The following PCDH15 variants were observed in gnomAD, a reference collection of about 807,000 sequenced individuals.
The protein encoded by PCDH15 is protocadherin-15.
Under a neutral mutation model 178.5 loss-of-function variants are expected in PCDH15, and 129 were observed. That is an observed-to-expected ratio of 0.72 (90% confidence interval 0.63 to 0.84). The LOEUF is 0.84. PCDH15 is among the 40% of genes least tolerant of loss of function. The pLI is 0.00. For synonymous variants in PCDH15, 800 were observed against 732.0 expected (o/e 1.09, Z -1.50); for missense variants, 2,230 against 2,099.9 (o/e 1.06, Z -1.21).
intron 1 of PCDH15, among the ~76,000 whole-genome samples, chr10:54,672,889 G>T (rs12573096): frequency 1.3e-5 from 2 of 151,874 alleles, no homozygotes; most frequent in African/African-American, 2.4e-5. Context: ...AGGAAATAAG[G>T]TTTTAAATAA....
intron 7 of PCDH15, among the ~76,000 whole-genome samples, chr10:54,319,427 A>G (rs964247225): frequency 6.6e-6 from 1 of 152,188 alleles, no homozygotes. Flanking sequence ...AAGAAGCCAG[A>G]CAAAAAATAA....
rs115090835 is a variant in PCDH15, at chr10:54,538,606, A to T, written c.92-10729T>A. Among the ~76,000 whole-genome samples, 1,013 of 152,280 alleles carry T rather than the reference A, an allele frequency of 6.7e-3. 14 individuals carry two copies. The highest frequency in any genetic ancestry group is 0.023 in the African/African-American group (973 of 41,552). Reference sequence around the variant, plus strand: ...TGTCCCCATCCAAATCTCATGTCAAATTCTAACCTCCAATGTTGGAGGAGG... The same window carrying T: ...TGTCCCCATCCAAATCTCATGTCAATTTCTAACCTCCAATGTTGGAGGAGG... On this transcript the variant is annotated intron_variant, in intron 2 of 37. Coordinates refer to ENST00000644397, the MANE Select transcript of PCDH15 (RefSeq NM_001384140.1).
intron 1 of PCDH15, among the ~76,000 whole-genome samples, chr10:55,296,906 A>G (rs1843146677): frequency 6.6e-6 from 1 of 152,144 alleles, no homozygotes; most frequent in South Asian, 2.1e-4. Context: ...CAAACACTAT[A>G]AGACTAACTT....
intron 2 of PCDH15, among the ~76,000 whole-genome samples, chr10:54,899,130 T>C (rs1191746865): frequency 1.3e-5 from 2 of 152,186 alleles, no homozygotes; most frequent in East Asian, 3.9e-4. Flanking sequence ...GAAGTTCCTG[T>C]AAATAATTCA....
Position 53,827,483 on chromosome 10 carries a change from A to G in PCDH15, c.4277T>C (p.Val1426Ala), listed in dbSNP as rs2132579383. ...CGCTGCCACTGGTGCAGGAGCCGGC[A>G]CTGCTGGTTTAGCCGCGGGTAATGC... ...QAALPAAKPA[V>A]PAPAPVAAPP... Residue 1426 changes from valine (V) to alanine (A), a missense_variant, in exon 32 of 38, where the codon GTG (valine) becomes GCG (alanine). Transcript: ENST00000644397. The G allele has an allele frequency of 6.2e-7, 1 of 1,614,090 alleles. No individual in the cohort carries two copies. Among genetic ancestry groups the G allele is most frequent in the Non-Finnish European group, 8.5e-7 (1 of 1,179,936 alleles).
intron 8 of PCDH15, among the ~76,000 whole-genome samples, chr10:54,247,009 C>G (rs956743917): frequency 9.2e-5 from 14 of 151,890 alleles, no homozygotes; most frequent in Non-Finnish European, 1.8e-4. Flanking sequence ...TAATGATTCA[C>G]AAGAGTTCTT....
At chr10:54,281,433 T>A (rs1438328508) in intron 8 of PCDH15, among the ~76,000 whole-genome samples, 1 of 151,874 alleles carries the variant, frequency 6.6e-6, no homozygotes, top group Non-Finnish European at 1.5e-5. Context: ...TTTGCTTTGT[T>A]TTTTGCAAAG....
At chr10:54,684,471 C>G (rs1281553559) in intron 1 of PCDH15, among the ~76,000 whole-genome samples, 3 of 151,850 alleles carry the variant, frequency 2.0e-5, no homozygotes, top group African/African-American at 7.2e-5. Flanking sequence ...GCATATGTGG[C>G]ATTTAGTCAA....
chr10:55,273,084 T>C (rs1842488695), intron 1 of PCDH15, among the ~76,000 whole-genome samples: 1 of 152,096 alleles, frequency 6.6e-6, no homozygotes, highest in Admixed American at 6.5e-5. Context: ...GATTTCAAAG[T>C]TGAATGAAAA....
intron 2 of PCDH15, among the ~76,000 whole-genome samples, chr10:54,953,709 A>C (rs933324276): frequency 1.3e-5 from 2 of 151,294 alleles, no homozygotes; most frequent in African/African-American, 2.4e-5. Context: ...ATCATATTCT[A>C]TGAAAATTCC....
At position 54,739,793 on chromosome 10, in the gene PCDH15, T is replaced by C. The variant is rs538377739; in HGVS notation, c.-29+61132A>G. Among the ~76,000 whole-genome samples the C allele has an allele frequency of 3.9e-5, 6 of 152,096 alleles. No homozygotes were observed. The East Asian group carries it at 1.2e-3, about 29-fold the overall frequency. Reference sequence around the variant, plus strand: ...AGGACATATGCTGATAAACAAATACTTTTCAATGAATGGTGCTGGGTAAAC... The same window carrying C: ...AGGACATATGCTGATAAACAAATACCTTTCAATGAATGGTGCTGGGTAAAC... On this transcript the variant is annotated intron_variant, in intron 1 of 37. Transcript: ENST00000644397.
At chr10:54,379,105 A>T (rs1254312636) in intron 3 of PCDH15, among the ~76,000 whole-genome samples, 163 bp from the exon 4 acceptor site, 1 of 152,150 alleles carries the variant, frequency 6.6e-6, no homozygotes, top group Non-Finnish European at 1.5e-5. Flanking sequence ...CCAAAAGGCC[A>T]AAGTATCTGC....
chr10:53,929,892 G>A (rs917541308), intron 25 of PCDH15, among the ~76,000 whole-genome samples: 2 of 152,022 alleles, frequency 1.3e-5, no homozygotes, highest in Non-Finnish European at 2.9e-5. Flanking sequence ...AGCAAAAATT[G>A]CCACTTCAAT....
chr10:53,935,388 G>A (rs1479781557), intron 25 of PCDH15, among the ~76,000 whole-genome samples: 26 of 152,056 alleles, frequency 1.7e-4, no homozygotes, highest in Non-Finnish European at 7.4e-5. Context: ...TAGATGTGTG[G>A]GAAAATATAA....
At chr10:55,016,778 G>A (rs1291697413) in intron 2 of PCDH15, among the ~76,000 whole-genome samples, 1 of 152,028 alleles carries the variant, frequency 6.6e-6, no homozygotes, top group Non-Finnish European at 1.5e-5. Flanking sequence ...TGGGATTGCT[G>A]GATCACATGA....
intron 2 of PCDH15, among the ~76,000 whole-genome samples, chr10:54,934,715 C>G (rs1355361830): frequency 1.3e-5 from 2 of 151,246 alleles, no homozygotes; most frequent in Non-Finnish European, 2.9e-5. Context: ...TTGACCCAGC[C>G]ATCCCATTAC....
chr10:54,085,163 A>G (rs183848507), intron 16 of PCDH15, among the ~76,000 whole-genome samples: 6 of 152,184 alleles, frequency 3.9e-5, no homozygotes, highest in African/African-American at 1.4e-4. Context: ...TCTTTCTTAT[A>G]TATTATTTAA....
At position 53,882,645 on chromosome 10, in the gene PCDH15, G is replaced by A. The variant is rs1467393469; in HGVS notation, c.3502-15788C>T. Reference sequence around the variant, plus strand: ...CCCAAAGTGCTGGGATTACAGGTGTGAGCCACCGTGCCTGACCCCAACTGC... The same window carrying A: ...CCCAAAGTGCTGGGATTACAGGTGTAAGCCACCGTGCCTGACCCCAACTGC... On this transcript the variant is annotated intron_variant, in intron 26 of 37. Transcript: ENST00000644397. 3.9e-5 allele frequency among the ~76,000 whole-genome samples: 6 copies of A among 152,156 alleles called. No homozygotes were observed. In the South Asian group the frequency reaches 1.2e-3, roughly 32 times the overall value.
chr10:54,396,680 T>C (rs754687074), intron 3 of PCDH15, among the ~76,000 whole-genome samples: 255 of 152,264 alleles, frequency 1.7e-3, no homozygotes, highest in Non-Finnish European at 2.0e-3. Flanking sequence ...CACTTTTTAA[T>C]TCTGGAAGTT....
Sources: allele counts gnomAD v4.1 joint callset (sites outside exome capture counted in the v4.1 genomes callset), GRCh38; gene constraint gnomAD v4.1.1; transcripts MANE v1.5; gene names NCBI Gene and HGNC (gene_info 2026-07-23, HGNC 2026-07-21).